WDR75: variants seen among roughly 807,000 people sequenced by gnomAD.
WDR75 encodes WD repeat domain 75.
In WDR75, 52 loss-of-function variants were observed where a neutral mutation model predicts 106.1. The ratio of observed to expected loss-of-function variants is 0.49; its 90% CI spans 0.39 to 0.62. WDR75 has a LOEUF of 0.62. Ranked by LOEUF, WDR75 falls within the 20% of genes least tolerant of loss-of-function variation. The probability of loss-of-function intolerance (pLI) is 0.00; values close to 1 mark genes in which losing one functional copy is unlikely to be tolerated. For synonymous variants in WDR75, 333 were observed against 335.5 expected, an observed-to-expected ratio of 0.99 and a Z score of 0.08; for missense variants, 905 against 970.3, an observed-to-expected ratio of 0.93 and a Z score of 0.89.
chr2:189,444,304 AT>A (rs1686448405), intron 1 of WDR75, among the ~76,000 whole-genome samples: 1 of 152,146 alleles, frequency 6.6e-6, no homozygotes, highest in Non-Finnish European at 1.5e-5. Flanking sequence ...GACTTGTGGA[AT>A]TTTGGCGGCT....
At chr2:189,451,964 T>A in intron 4 of WDR75, 69 bp downstream of exon 4, 1 of 1,338,614 alleles carries the variant, frequency 7.5e-7, no homozygotes, top group Non-Finnish European at 1.0e-6. Flanking sequence ...CCTCAAAATT[T>A]AACATTTTGG....
chr2:189,455,570 A>G, intron 5 of WDR75, 126 bp downstream of exon 5: 1 of 1,230,250 alleles, frequency 8.1e-7, no homozygotes, highest in Non-Finnish European at 1.1e-6. Context: ...ATTAGTAACT[A>G]AGAAGCCTCT....
intron 4 of WDR75, among the ~76,000 whole-genome samples, chr2:189,454,373 G>A (rs1249813458): frequency 6.6e-6 from 1 of 152,050 alleles, no homozygotes; most frequent in Admixed American, 6.6e-5. Context: ...ATTATGGCAG[G>A]CCCATCATAG....
At position 189,458,181 on chromosome 2, in the gene WDR75, C is replaced by G. The variant is rs180938991; in HGVS notation, c.570-572C>G. The stretch of plus-strand genomic sequence containing the variant: ...CAGGTGATCCACCCGCCTCAGCCTC[C>G]GAAAGTGCTGGGATTACAGGCGTGA... On this transcript the variant is annotated intron_variant, in intron 6 of 20. Transcript: ENST00000314761. Among the ~76,000 whole-genome samples the G allele has an allele frequency of 3.9e-5, 6 of 152,216 alleles. No homozygotes were observed. The East Asian group carries it at 1.2e-3, about 29-fold the overall frequency.
intron 8 of WDR75, among the ~76,000 whole-genome samples, chr2:189,460,651 C>T (rs62187082): frequency 0.19 from 25,276 of 136,046 alleles, 2,248 homozygotes; most frequent in South Asian, 0.22. Flanking sequence ...ACTACAGGCA[C>T]GCACCACCAC....
chr2:189,473,732 A>G (rs1558990740), intron 18 of WDR75, among the ~76,000 whole-genome samples: 1 of 152,016 alleles, frequency 6.6e-6, no homozygotes. Context: ...GAGCATTTGC[A>G]GGATTCTGTA....
intron 1 of WDR75, among the ~76,000 whole-genome samples, chr2:189,447,193 G>A (rs1413873918): frequency 6.6e-6 from 1 of 152,186 alleles, no homozygotes. Context: ...TAGACACAGA[G>A]CAAATACTTT....
chr2:189,449,584 G>A (rs1236125604), intron 2 of WDR75: 1 of 1,042,074 alleles, frequency 9.6e-7, no homozygotes, highest in Non-Finnish European at 1.2e-6. Flanking sequence ...TCGGATGACT[G>A]AAAGTGAGTA....
chr2:189,464,028 T>C lies in WDR75; in HGVS notation c.1113+67T>C, dbSNP rs1686952195. 4 of 1,310,252 alleles carry C rather than the reference T, an allele frequency of 3.1e-6. No homozygotes were observed. The Admixed American group carries it at 7.4e-5, about 24-fold the overall frequency. 81.2% of individuals were successfully genotyped at this position (1,310,252 alleles called of 1,614,324 possible). ...TTACAGTACCACTGGAGTCAAGCAATTTGTTTAGTAGCTTTTAAAACAAGA... is the reference window on the plus strand; with the variant it reads ...TTACAGTACCACTGGAGTCAAGCAACTTGTTTAGTAGCTTTTAAAACAAGA... On this transcript the variant is annotated intron_variant, in intron 11 of 20. Transcript: ENST00000314761.
chr2:189,465,717 CTTTGTACCCA>C (rs1686986285), intron 12 of WDR75, among the ~76,000 whole-genome samples: 1 of 152,082 alleles, frequency 6.6e-6, no homozygotes, highest in Admixed American at 6.6e-5. Context: ...TGGCTTAGAG[CTTTGTACCCA>C]TTATCTTACT....
At position 189,466,513 on chromosome 2, in the gene WDR75, AC is replaced by A; in HGVS notation, c.1380del (p.Leu461TrpfsTer15). 3 of 1,613,360 alleles carry A rather than the reference AC, an allele frequency of 1.9e-6. No homozygotes were observed. The highest frequency in any genetic ancestry group is 2.5e-6 in the Non-Finnish European group (3 of 1,179,466). ...TAATGCAGAAAAATCTGAACAGCCC[AC>A]CTTGGTTACAGCTAGCAAAGATGGT... ...FCNAEKSEQP[T>X]LVTASKDGYF... is the part of the protein sequence containing the mutation. On this transcript the variant is annotated frameshift_variant, in exon 13 of 21. Transcript: ENST00000314761. LOFTEE classifies it high-confidence loss of function.
chr2:189,474,789 C>A lies in WDR75; in HGVS notation c.2269C>A (p.Leu757Met), dbSNP rs1429217584. The A allele has an allele frequency of 6.2e-7, 1 of 1,613,786 alleles. No homozygotes were observed. The highest frequency in any genetic ancestry group is 8.5e-7 in the Non-Finnish European group (1 of 1,179,816). The change falls in exon 20 of 21, where the codon CTG becomes ATG. Residue 757 changes from leucine to methionine, a missense_variant. Leu to Met is a conservative substitution (Grantham distance 15, BLOSUM62 2). Transcript: ENST00000314761. Reference sequence around the variant, plus strand: ...CTCCATGTTTGTAAATTCATTGCTGCTGTCTAAAGAGACTAAGAGGTAAAG... The same window carrying A: ...CTCCATGTTTGTAAATTCATTGCTGATGTCTAAAGAGACTAAGAGGTAAAG... The part of the protein sequence containing the change: ...LCSMFVNSLL[L>M]SKETKSAKEI...
chr2:189,449,163 T>C, intron 2 of WDR75: 1 of 1,011,008 alleles, frequency 9.9e-7, no homozygotes, highest in Non-Finnish European at 1.4e-6. Flanking sequence ...TTCTTAAGTT[T>C]CGGCAAATCT....
At chr2:189,455,519 T>C in intron 5 of WDR75, 75 bp downstream of exon 5, 3 of 1,513,936 alleles carry the variant, frequency 2.0e-6, no homozygotes, top group Non-Finnish European at 2.7e-6. Flanking sequence ...GAGCATTTTA[T>C]GTTACAGTGA....
rs755108092 is a variant in WDR75 at position 189,470,146 on chromosome 2, G to T, written c.1890G>T (p.Gln630His). The change falls in exon 17 of 21, where the codon CAG becomes CAT. Residue 630 changes from glutamine (Q) to histidine (H), a missense_variant. Physicochemically the swap from Gln to His is conservative, Grantham distance 24 (BLOSUM62 0). Transcript: ENST00000314761. Reference sequence around the variant, plus strand: ...AGGGTATCTCCAGAGAGAAAGTCCAGTGGGGAGTGTTTGTTCCACGAGATG... The same window carrying T: ...AGGGTATCTCCAGAGAGAAAGTCCATTGGGGAGTGTTTGTTCCACGAGATG... Reference protein sequence around the residue: ...IQKGISREKVQWGVFVPRDVP... With the variant: ...IQKGISREKVHWGVFVPRDVP... The T allele has an allele frequency of 4.3e-6, 7 of 1,613,668 alleles. No individual in the cohort carries two copies. The highest frequency in any genetic ancestry group is 5.9e-6 in the Non-Finnish European group (7 of 1,179,654).
intron 7 of WDR75, 113 bp downstream of exon 7, chr2:189,458,985 T>C (rs565568256): frequency 3.5e-5 from 45 of 1,268,016 alleles, no homozygotes; most frequent in Admixed American, 2.3e-4. Context: ...CTTTTTTGTG[T>C]GCTTTTCATT....
intron 5 of WDR75, among the ~76,000 whole-genome samples, chr2:189,455,999 C>A (rs1396107684): frequency 6.6e-6 from 1 of 152,130 alleles, no homozygotes; most frequent in African/African-American, 2.4e-5. Flanking sequence ...TCCCTGTTAA[C>A]AGTTACTTTA....
chr2:189,456,603 A>C (rs1686741901), intron 5 of WDR75, among the ~76,000 whole-genome samples: 1 of 152,040 alleles, frequency 6.6e-6, no homozygotes, highest in Admixed American at 6.5e-5. Context: ...ATCGAAACAG[A>C]TAGGTGGGAT....
chr2:189,462,453 A>G (rs77698215), intron 8 of WDR75, 31 bp from the exon 9 acceptor site: 65,307 of 1,599,866 alleles, frequency 0.041, 1,852 homozygotes, highest in African/African-American at 0.14. Context: ...TCAAAACACC[A>G]TCCTTTTAAT....
Sources: gnomAD v4.1 joint callset for allele counts (sites outside exome capture counted in the v4.1 genomes callset) on GRCh38, gnomAD v4.1.1 for gene constraint, MANE v1.5 for transcripts, NCBI Gene and HGNC (gene_info 2026-07-23, HGNC 2026-07-21) for gene names.